Variants in KCNMB2 observed in about 807,000 individuals in gnomAD.
The protein encoded by KCNMB2 is calcium-activated potassium channel subunit beta-2.
A neutral mutation model predicts 24.5 loss-of-function variants in KCNMB2; 9 were observed. The ratio of observed to expected loss-of-function variants is 0.37; its 90% CI spans 0.22 to 0.64. The LOEUF (loss-of-function observed/expected upper bound fraction) is 0.64. KCNMB2 is among the 30% of genes least tolerant of loss of function. The pLI is 0.63. For missense variants in KCNMB2, 226 were observed against 284.3 expected (o/e 0.79, Z 1.47); for synonymous variants, 109 against 104.4 (o/e 1.04, Z -0.27).
chr3:178,762,223 C>G (rs1209556079), intron 1 of KCNMB2, among the ~76,000 whole-genome samples: 3 of 152,078 alleles, frequency 2.0e-5, no homozygotes, highest in African/African-American at 7.2e-5. Context: ...AAAGGAAAAG[C>G]AGGTGGAGCT....
At chr3:178,697,272 T>G (rs1402101523) in intron 1 of KCNMB2, among the ~76,000 whole-genome samples, 1 of 152,240 alleles carries the variant, frequency 6.6e-6, no homozygotes, top group Admixed American at 6.5e-5. Context: ...ATTTGCCTTA[T>G]GAATCTGAGT....
At chr3:178,748,734 C>A (rs9290668) in intron 1 of KCNMB2, among the ~76,000 whole-genome samples, 74,184 of 151,890 alleles carry the variant, frequency 0.49, 18,616 homozygotes, top group African/African-American at 0.62. Context: ...TTGAGAACCC[C>A]GCTATTGAAA....
chr3:178,796,774 A>G (rs1309916824), intron 1 of KCNMB2, among the ~76,000 whole-genome samples: 1 of 152,128 alleles, frequency 6.6e-6, no homozygotes, highest in Non-Finnish European at 1.5e-5. Context: ...AGTTTATAGC[A>G]GTAAACACCT....
At chr3:178,692,144 C>T (rs1051835768) in intron 1 of KCNMB2, among the ~76,000 whole-genome samples, 1 of 152,044 alleles carries the variant, frequency 6.6e-6, no homozygotes, top group Non-Finnish European at 1.5e-5. Flanking sequence ...GGATATTAGA[C>T]CTTTGTCAGA....
At chr3:178,645,121 G>T (rs896478793) in intron 1 of KCNMB2, among the ~76,000 whole-genome samples, 1 of 147,228 alleles carries the variant, frequency 6.8e-6, no homozygotes, top group African/African-American at 2.5e-5. Context: ...CGCAATCTCG[G>T]CTCACAACAA....
chr3:178,554,538 C>T (rs1409676561), intron 1 of KCNMB2, among the ~76,000 whole-genome samples: 1 of 152,076 alleles, frequency 6.6e-6, no homozygotes, highest in East Asian at 1.9e-4. Flanking sequence ...ATGTCAATTC[C>T]TTTCTTTCTT....
chr3:178,797,405 C>G (rs1713593322), intron 1 of KCNMB2, among the ~76,000 whole-genome samples: 1 of 152,016 alleles, frequency 6.6e-6, no homozygotes, highest in African/African-American at 2.4e-5. Flanking sequence ...ATTACCCAGA[C>G]ACAAAAACCA....
At chr3:178,767,152 T>C (rs1277561375) in intron 1 of KCNMB2, among the ~76,000 whole-genome samples, 1 of 152,210 alleles carries the variant, frequency 6.6e-6, no homozygotes, top group Non-Finnish European at 1.5e-5. Context: ...GTGCTGAGGT[T>C]GAAGGACCCT....
chr3:178,542,872 C>A (rs562802372), intron 1 of KCNMB2, among the ~76,000 whole-genome samples: 2 of 152,126 alleles, frequency 1.3e-5, no homozygotes, highest in Non-Finnish European at 2.9e-5. Flanking sequence ...CCCAGTTCTG[C>A]GTCTTGCCTG....
chr3:178,761,213 G>C (rs992462124), intron 1 of KCNMB2, among the ~76,000 whole-genome samples: 1 of 152,154 alleles, frequency 6.6e-6, no homozygotes, highest in Non-Finnish European at 1.5e-5. Flanking sequence ...CATAGTGAGT[G>C]ACATGCTCTG....
At chr3:178,684,487 C>T (rs1038000214) in intron 1 of KCNMB2, among the ~76,000 whole-genome samples, 33 of 151,842 alleles carry the variant, frequency 2.2e-4, no homozygotes, top group African/African-American at 8.0e-4. Flanking sequence ...ATTTTAGCTG[C>T]ATTTGCCACA....
At chr3:178,778,462 A>ACGCACG (rs1437410515) in intron 1 of KCNMB2, among the ~76,000 whole-genome samples, 1 of 63,538 alleles carries the variant, frequency 1.6e-5, no homozygotes, top group South Asian at 6.0e-4. Context: ...TAAGACACAC[A>ACGCACG]CACACACACA....
intron 1 of KCNMB2, among the ~76,000 whole-genome samples, chr3:178,538,092 C>CTA (rs1363979509): frequency 6.6e-5 from 10 of 152,238 alleles, no homozygotes; most frequent in African/African-American, 2.4e-4. Flanking sequence ...TTGTGAGCTT[C>CTA]TATATATATA....
intron 1 of KCNMB2, among the ~76,000 whole-genome samples, chr3:178,568,496 C>G (rs1560111901): frequency 6.6e-6 from 1 of 152,120 alleles, no homozygotes; most frequent in African/African-American, 2.4e-5. Flanking sequence ...CTCATAATGT[C>G]AGAGGAAGGA....
chr3:178,769,799 C>T (rs1012313311), intron 1 of KCNMB2, among the ~76,000 whole-genome samples: 9 of 152,240 alleles, frequency 5.9e-5, no homozygotes, highest in African/African-American at 1.7e-4. Flanking sequence ...CTAGTGTTAG[C>T]AAATACTAAA....
At chr3:178,618,055 T>TAAG (rs1284948044) in intron 1 of KCNMB2, among the ~76,000 whole-genome samples, 11 of 152,142 alleles carry the variant, frequency 7.2e-5, no homozygotes, top group African/African-American at 2.4e-4. Context: ...ATAGTATCTT[T>TAAG]AAGTAAAAAT....
At chr3:178,719,735 A>G (rs1386912791) in intron 1 of KCNMB2, among the ~76,000 whole-genome samples, 1 of 152,032 alleles carries the variant, frequency 6.6e-6, no homozygotes, top group Non-Finnish European at 1.5e-5. Context: ...TTAAAAAATA[A>G]CATACAGTAA....
At chr3:178,745,213 G>T (rs1011251095) in intron 1 of KCNMB2, among the ~76,000 whole-genome samples, 16 of 152,270 alleles carry the variant, frequency 1.1e-4, no homozygotes, top group East Asian at 7.7e-4. Flanking sequence ...AAAGAAAGAG[G>T]TTTAATTGGA....
chr3:178,665,228 A>AT (rs1720675767), intron 1 of KCNMB2, among the ~76,000 whole-genome samples: 1 of 152,166 alleles, frequency 6.6e-6, no homozygotes. Context: ...GACAGGATTC[A>AT]TTTGAGAGAG....
Sources: gnomAD v4.1 joint callset for allele counts (sites outside exome capture counted in the v4.1 genomes callset) on GRCh38, gnomAD v4.1.1 for gene constraint, MANE v1.5 for transcripts, NCBI Gene and HGNC (gene_info 2026-07-23, HGNC 2026-07-21) for gene names.